The following FBXL13 variants were observed in gnomAD, a reference collection of about 807,000 sequenced individuals.
The protein encoded by FBXL13 is F-box and leucine-rich repeat protein 13.
In FBXL13, 67 loss-of-function variants were observed where a neutral mutation model predicts 83.6. The ratio of observed to expected loss-of-function variants is 0.80; its 90% confidence interval spans 0.66 to 0.98. The LOEUF (loss-of-function observed/expected upper bound fraction) is 0.98. Among genes scored for constraint, FBXL13 ranks in the 50% least tolerant of loss-of-function variants. The probability of loss-of-function intolerance (pLI) is 0.00; values close to 1 mark genes in which losing one functional copy is unlikely to be tolerated. For synonymous variants in FBXL13, 272 were observed against 299.5 expected (o/e 0.91, Z 0.95); for missense variants, 822 against 866.5 (o/e 0.95, Z 0.64).
intron 6 of FBXL13, among the ~76,000 whole-genome samples, chr7:103,021,860 T>C (rs370106930): frequency 2.0e-5 from 3 of 152,112 alleles, no homozygotes; most frequent in African/African-American, 7.2e-5. Context: ...GGAGAAATAG[T>C]AACACTTTTA....
At chr7:103,011,866 T>A (rs1278688882) in intron 6 of FBXL13, among the ~76,000 whole-genome samples, 1 of 152,054 alleles carries the variant, frequency 6.6e-6, no homozygotes, top group Non-Finnish European at 1.5e-5. Flanking sequence ...ACCAAATCTA[T>A]GACTCACTGG....
chr7:103,073,306 T>C (rs1799193743), intron 1 of FBXL13, among the ~76,000 whole-genome samples: 1 of 152,108 alleles, frequency 6.6e-6, no homozygotes, highest in Non-Finnish European at 1.5e-5. Context: ...AACTTGCACT[T>C]TTTCTTTTTT....
chr7:102,821,206 T>C (rs958820919), intron 19 of FBXL13, among the ~76,000 whole-genome samples: 2 of 152,096 alleles, frequency 1.3e-5, no homozygotes, highest in African/African-American at 4.8e-5. Context: ...ATCAGAGTTA[T>C]CTCCAGACCT....
chr7:102,939,525 G>C (rs1820985700), intron 8 of FBXL13: 1 of 1,614,050 alleles, frequency 6.2e-7, no homozygotes, highest in Non-Finnish European at 8.5e-7. Flanking sequence ...GGAATTTGAA[G>C]ATGTTCATGA....
intron 2 of FBXL13, among the ~76,000 whole-genome samples, chr7:103,033,823 C>G (rs1436173923): frequency 2.6e-5 from 4 of 152,156 alleles, no homozygotes; most frequent in African/African-American, 9.7e-5. Flanking sequence ...TGCTTTTATT[C>G]TCTTATCTGG....
chr7:102,892,063 T>G (rs559698646), intron 11 of FBXL13, among the ~76,000 whole-genome samples: 2 of 152,354 alleles, frequency 1.3e-5, no homozygotes, highest in East Asian at 3.9e-4. Flanking sequence ...TGTAAGCAGT[T>G]CATGAAATTC....
intron 15 of FBXL13, 101 bp from the exon 17 acceptor site, chr7:102,877,694 G>A: frequency 8.1e-7 from 1 of 1,241,408 alleles, no homozygotes; most frequent in Non-Finnish European, 1.1e-6. Context: ...TGGTATTGAA[G>A]CAAAGATTTT....
At chr7:102,896,118 A>C (rs1051338177) in intron 11 of FBXL13, among the ~76,000 whole-genome samples, 7 of 152,340 alleles carry the variant, frequency 4.6e-5, no homozygotes, top group African/African-American at 1.7e-4. Flanking sequence ...GAAGGAGAAC[A>C]AGAAATACTG....
chr7:102,827,185 C>T (rs1003314300), intron 18 of FBXL13: 1 of 453,252 alleles, frequency 2.2e-6, no homozygotes, highest in Non-Finnish European at 4.5e-6. Flanking sequence ...GTGTTACTGC[C>T]CTTGAAGCAG....
intron 16 of FBXL13, among the ~76,000 whole-genome samples, chr7:102,874,668 C>T (rs1311958954): frequency 6.6e-6 from 1 of 152,092 alleles, no homozygotes. Flanking sequence ...GGGCTCAAGC[C>T]ATACTCCCAC....
At chr7:103,049,420 T>G (rs1018612221) in intron 2 of FBXL13, among the ~76,000 whole-genome samples, 4 of 152,198 alleles carry the variant, frequency 2.6e-5, no homozygotes, top group Non-Finnish European at 5.9e-5. Context: ...AGCATTACAG[T>G]TTTTCTTTCA....
chr7:103,020,993 G>A lies in FBXL13; in HGVS notation c.495+4070C>T, dbSNP rs547299573. ...ATTGGAAAAAACTACTTTAAAGTTC[G>A]TATGGAACCAAAAAAGAGCCCACAT... On this transcript the variant is annotated intron_variant, in intron 6 of 19. Transcript: ENST00000313221. Among the ~76,000 whole-genome samples the A allele has an allele frequency of 2.6e-5, 4 of 152,082 alleles. 1 individual carries two copies. Among genetic ancestry groups the A allele is most frequent in the South Asian group, 4.2e-4 (2 of 4,818 alleles).
At chr7:102,991,420 T>C (rs1282898712) in intron 6 of FBXL13, among the ~76,000 whole-genome samples, 1 of 152,148 alleles carries the variant, frequency 6.6e-6, no homozygotes, top group East Asian at 1.9e-4. Flanking sequence ...AGTGTCACAG[T>C]GGGCAGGTGG....
chr7:102,843,455 A>G (rs1803342298), intron 17 of FBXL13, among the ~76,000 whole-genome samples: 1 of 151,894 alleles, frequency 6.6e-6, no homozygotes, highest in Non-Finnish European at 1.5e-5. Flanking sequence ...AAAAACAAAA[A>G]CAAAAAACAA....
intron 16 of FBXL13, among the ~76,000 whole-genome samples, chr7:102,871,755 C>T (rs955842351): frequency 1.3e-5 from 2 of 152,136 alleles, no homozygotes; most frequent in African/African-American, 4.8e-5. Flanking sequence ...TCCCATCCCT[C>T]CACCGAGGTC....
intron 1 of FBXL13, among the ~76,000 whole-genome samples, chr7:103,068,300 C>T (rs920015638): frequency 6.6e-6 from 1 of 152,014 alleles, no homozygotes; most frequent in Non-Finnish European, 1.5e-5. Flanking sequence ...TTATGAACTA[C>T]AAAGAAGCTG....
intron 16 of FBXL13, among the ~76,000 whole-genome samples, chr7:102,871,437 G>A (rs930224582): frequency 6.6e-6 from 1 of 151,602 alleles, no homozygotes; most frequent in African/African-American, 2.4e-5. Flanking sequence ...CCAGGCTGGA[G>A]TGCAGTGGTA....
In FBXL13 at chr7:102,934,502, G is replaced by A. The variant is rs775740605; in HGVS notation, c.725-2569C>T. 9 of 1,613,412 alleles carry A rather than the reference G, an allele frequency of 5.6e-6. No individual in the cohort carries two copies. The Middle Eastern group carries it at 6.6e-4, about 118-fold the overall frequency. On this transcript the variant is annotated intron_variant, in intron 8 of 19. Transcript: ENST00000313221. ...CTACGCCAAGTGTGAAAGTCCACAA[G>A]AACAAAAAAATAAAAAACTGCGGCA...
chr7:103,025,436 T>C (rs989301517), intron 5 of FBXL13, among the ~76,000 whole-genome samples: 2 of 152,200 alleles, frequency 1.3e-5, no homozygotes, highest in African/African-American at 4.8e-5. Context: ...TTCCATTAGT[T>C]GTCATAAAAC....
Sources: gnomAD v4.1 joint callset for allele counts (sites outside exome capture counted in the v4.1 genomes callset) on GRCh38, gnomAD v4.1.1 for gene constraint, MANE v1.5 for transcripts, NCBI Gene and HGNC (gene_info 2026-07-23, HGNC 2026-07-21) for gene names.